Variants in CADM2 observed in about 807,000 individuals in gnomAD.
CADM2 encodes immunoglobulin superfamily member 4D.
CADM2 carries 12 observed loss-of-function variants against 49.8 expected under a neutral mutation model. That is an observed-to-expected ratio of 0.24 (90% CI 0.15 to 0.39). CADM2 has a LOEUF of 0.39. Ranked by LOEUF, CADM2 falls within the 10% of genes least tolerant of loss-of-function variation. CADM2 has a pLI of 1.00. For synonymous variants in CADM2, 214 were observed against 175.4 expected (o/e 1.22, Z -1.74); for missense variants, 378 against 492.3 (o/e 0.77, Z 2.20).
chr3:85,261,777 A>AT (rs1303619736), intron 1 of CADM2, among the ~76,000 whole-genome samples: 5 of 152,066 alleles, frequency 3.3e-5, no homozygotes, highest in East Asian at 1.9e-4. Flanking sequence ...CCATGCAGGT[A>AT]TTTTTTTGGC....
chr3:85,488,226 T>C (rs534037609), intron 1 of CADM2, among the ~76,000 whole-genome samples: 8 of 152,348 alleles, frequency 5.3e-5, no homozygotes, highest in African/African-American at 1.9e-4. Flanking sequence ...GACTGTCAGG[T>C]GAGGGAAAGA....
intron 1 of CADM2, among the ~76,000 whole-genome samples, chr3:85,344,703 T>C (rs949332221): frequency 2.0e-5 from 3 of 152,150 alleles, no homozygotes; most frequent in Admixed American, 1.3e-4. Flanking sequence ...GACGTGTTCA[T>C]TCTTTGATAT....
chr3:85,989,941 A>C (rs6798987), intron 8 of CADM2, among the ~76,000 whole-genome samples: 2 of 144,598 alleles, frequency 1.4e-5, no homozygotes, highest in African/African-American at 5.1e-5. Context: ...TGACCCGGGA[A>C]GGGGAGGTTA....
intron 1 of CADM2, among the ~76,000 whole-genome samples, chr3:85,513,072 A>G (rs1370317928): frequency 6.6e-6 from 1 of 152,058 alleles, no homozygotes; most frequent in African/African-American, 2.4e-5. Context: ...TCTAAAAAAT[A>G]TTTGTTCTGC....
chr3:85,296,970 G>T (rs950573365), intron 1 of CADM2, among the ~76,000 whole-genome samples: 5 of 151,970 alleles, frequency 3.3e-5, no homozygotes, highest in Non-Finnish European at 7.4e-5. Context: ...TTTCCCAGGT[G>T]CTATTACATT....
At position 85,334,499 on chromosome 3, in the gene CADM2, C is replaced by T. The variant is rs554769722; in HGVS notation, c.61+374831C>T. 2.6e-5 allele frequency among the ~76,000 whole-genome samples: 4 copies of T among 151,644 alleles called. No homozygotes were observed. The East Asian group carries it at 7.7e-4, about 29-fold the overall frequency. The stretch of plus-strand genomic sequence containing the variant: ...AGAGTGTAATAGTGCCTCTGGTCAA[C>T]TTAATTTTATGATGATGATTAATCA... On this transcript the variant is annotated intron_variant, in intron 1 of 9. Coordinates refer to ENST00000383699, the MANE Select transcript of CADM2 (RefSeq NM_001167675.2).
chr3:86,044,062 A>C (rs1000648069), intron 8 of CADM2, among the ~76,000 whole-genome samples: 5 of 152,218 alleles, frequency 3.3e-5, no homozygotes, highest in Non-Finnish European at 7.3e-5. Context: ...AAATAAATTC[A>C]AGATGGATTA....
chr3:86,012,793 G>T (rs925292998), intron 8 of CADM2: 23 of 579,838 alleles, frequency 4.0e-5, no homozygotes, highest in African/African-American at 3.8e-4. Context: ...TGGCTAACAC[G>T]GTGAAACCCC....
intron 8 of CADM2, among the ~76,000 whole-genome samples, chr3:85,962,524 A>T (rs891537125): frequency 1.3e-5 from 2 of 151,992 alleles, no homozygotes; most frequent in African/African-American, 4.8e-5. Flanking sequence ...ACCAGTCGCC[A>T]TGAGTGAATA....
At chr3:85,141,340 G>A (rs2039569623) in intron 1 of CADM2, among the ~76,000 whole-genome samples, 1 of 152,130 alleles carries the variant, frequency 6.6e-6, no homozygotes, top group South Asian at 2.1e-4. Context: ...CTCCTGATGG[G>A]ATACAAATTT....
At chr3:85,278,047 AT>A (rs200751419) in intron 1 of CADM2, among the ~76,000 whole-genome samples, 32 of 144,742 alleles carry the variant, frequency 2.2e-4, no homozygotes, top group African/African-American at 7.4e-4. Context: ...AAAATTGTGT[AT>A]TTTTTTTTCC....
chr3:86,017,885 T>A (rs1281333727), intron 8 of CADM2, among the ~76,000 whole-genome samples: 5 of 150,420 alleles, frequency 3.3e-5, no homozygotes, highest in Non-Finnish European at 7.4e-5. Flanking sequence ...TTTTATTATT[T>A]TTTTATTATA....
chr3:85,037,234 C>T (rs1349361577), intron 1 of CADM2, among the ~76,000 whole-genome samples: 1 of 152,104 alleles, frequency 6.6e-6, no homozygotes, highest in Non-Finnish European at 1.5e-5. Flanking sequence ...TTGGCTGTAG[C>T]CAAGAGTAGT....
At chr3:85,315,734 G>A (rs1456063579) in intron 1 of CADM2, among the ~76,000 whole-genome samples, 3 of 152,018 alleles carry the variant, frequency 2.0e-5, no homozygotes, top group African/African-American at 7.2e-5. Flanking sequence ...ATATGATATA[G>A]CATTCAGTTT....
chr3:85,382,199 A>G (rs548800678), intron 1 of CADM2, among the ~76,000 whole-genome samples: 9 of 152,292 alleles, frequency 5.9e-5, no homozygotes, highest in Middle Eastern at 3.4e-3. Context: ...CATAAACAGA[A>G]TAAATTGTAC....
At chr3:84,983,564 T>C (rs1255931452) in intron 1 of CADM2, among the ~76,000 whole-genome samples, 1 of 152,148 alleles carries the variant, frequency 6.6e-6, no homozygotes, top group Admixed American at 6.5e-5. Context: ...TTCTTAGAGG[T>C]GTCAGAAATC....
chr3:85,410,652 C>G (rs1464610844), intron 1 of CADM2, among the ~76,000 whole-genome samples: 1 of 152,054 alleles, frequency 6.6e-6, no homozygotes, highest in East Asian at 1.9e-4. Context: ...AGTTAAACTC[C>G]TTTTAGAGCA....
chr3:85,907,075 C>T (rs1716897651), intron 5 of CADM2, among the ~76,000 whole-genome samples: 1 of 152,092 alleles, frequency 6.6e-6, no homozygotes, highest in Non-Finnish European at 1.5e-5. Flanking sequence ...ACAACATGTC[C>T]AGTTCTCCAC....
chr3:85,520,844 G>T (rs2061012334), intron 1 of CADM2, among the ~76,000 whole-genome samples: 1 of 152,034 alleles, frequency 6.6e-6, no homozygotes, highest in Non-Finnish European at 1.5e-5. Context: ...TGCAGATTAA[G>T]GGGTGGATTG....
Sources: allele counts gnomAD v4.1 joint callset (sites outside exome capture counted in the v4.1 genomes callset), GRCh38; gene constraint gnomAD v4.1.1; transcripts MANE v1.5; gene names NCBI Gene and HGNC (gene_info 2026-07-23, HGNC 2026-07-21).